NDUFS4: variants seen among roughly 807,000 people sequenced by gnomAD.
NDUFS4 encodes the protein NADH:ubiquinone oxidoreductase subunit S4, also known as NADH dehydrogenase [ubiquinone] iron-sulfur protein 4, mitochondrial.
Under a neutral mutation model 24.3 loss-of-function variants are expected in NDUFS4, and 28 were observed. The ratio of observed to expected loss-of-function variants is 1.15; its 90% confidence interval spans 0.85 to 1.58. The LOEUF is 1.58. Among genes scored for constraint, NDUFS4 ranks in the 40% most tolerant of loss-of-function variants. The probability of loss-of-function intolerance (pLI) is 0.00; values close to 1 mark genes in which losing one functional copy is unlikely to be tolerated. For missense variants in NDUFS4, 223 were observed against 207.9 expected (o/e 1.07, Z -0.45); for synonymous variants, 93 against 69.7 (o/e 1.34, Z -1.67).
intron 4 of NDUFS4, among the ~76,000 whole-genome samples, chr5:53,679,292 T>C (rs1740574777): frequency 6.6e-6 from 1 of 152,088 alleles, no homozygotes; most frequent in African/African-American, 2.4e-5. Flanking sequence ...TGGTCAGTGG[T>C]AATTATATAG....
At chr5:53,646,525 C>A in intron 3 of NDUFS4, 120 bp downstream of exon 3, 2 of 993,280 alleles carry the variant, frequency 2.0e-6, no homozygotes, top group Non-Finnish European at 1.6e-6. Context: ...CTTTTTGACG[C>A]TGTTAAGTAC....
At chr5:53,658,281 G>GT (rs969622444) in intron 3 of NDUFS4, among the ~76,000 whole-genome samples, 8 of 151,948 alleles carry the variant, frequency 5.3e-5, no homozygotes, top group Admixed American at 2.6e-4. Context: ...ATCTCAAATT[G>GT]TTTTTTTAGA....
chr5:53,618,105 G>A (rs412559), intron 2 of NDUFS4, among the ~76,000 whole-genome samples: 54,801 of 151,548 alleles, frequency 0.36, 11,054 homozygotes, highest in African/African-American at 0.55. Flanking sequence ...GGGAAACCTC[G>A]TCTCTTCCAA....
chr5:53,617,507 T>C (rs1016914770), intron 2 of NDUFS4, among the ~76,000 whole-genome samples: 1 of 152,076 alleles, frequency 6.6e-6, no homozygotes, highest in Non-Finnish European at 1.5e-5. Flanking sequence ...TTGGCCGTCA[T>C]TTTTTCCCCC....
chr5:53,668,608 T>G (rs2111565581), intron 4 of NDUFS4, among the ~76,000 whole-genome samples: 1 of 147,880 alleles, frequency 6.8e-6, no homozygotes, highest in East Asian at 2.0e-4. Context: ...CACCACCATG[T>G]CCAGCTAATT....
chr5:53,612,811 T>C (rs1344490669), intron 2 of NDUFS4, among the ~76,000 whole-genome samples: 2 of 152,152 alleles, frequency 1.3e-5, no homozygotes, highest in African/African-American at 4.8e-5. Flanking sequence ...AATACAATTT[T>C]TTTGTCAATT....
At chr5:53,575,945 A>G (rs990667180) in intron 1 of NDUFS4, among the ~76,000 whole-genome samples, 1 of 152,232 alleles carries the variant, frequency 6.6e-6, no homozygotes, top group African/African-American at 2.4e-5. Flanking sequence ...GGGTTTCACA[A>G]TACATGTACT....
chr5:53,655,483 TTGTGTAAATTTC>T (rs1752135382), intron 3 of NDUFS4, among the ~76,000 whole-genome samples: 1 of 150,076 alleles, frequency 6.7e-6, no homozygotes, highest in African/African-American at 2.4e-5. Context: ...TGATGGTTAT[TTGTGTAAATTTC>T]TGTTTGGGTT....
At chr5:53,674,829 G>T (rs933371089) in intron 4 of NDUFS4, among the ~76,000 whole-genome samples, 1 of 151,858 alleles carries the variant, frequency 6.6e-6, no homozygotes, top group Non-Finnish European at 1.5e-5. Flanking sequence ...CAGTAAACAT[G>T]TATAATTAAA....
chr5:53,655,081 T>C (rs967610271), intron 3 of NDUFS4, among the ~76,000 whole-genome samples: 7 of 152,086 alleles, frequency 4.6e-5, no homozygotes, highest in Non-Finnish European at 1.0e-4. Flanking sequence ...AGGAAAAATA[T>C]CTAAAATCAA....
rs1740526745 is a variant in NDUFS4 at position 53,677,809 on chromosome 5, T to G, written c.425-5309T>G. Among the ~76,000 whole-genome samples, 5 of 152,338 alleles carry G rather than the reference T, an allele frequency of 3.3e-5. No homozygotes were observed. The South Asian group carries it at 1.0e-3, about 32-fold the overall frequency. On this transcript the variant is annotated intron_variant, in intron 4 of 4. Transcript: ENST00000296684. The stretch of plus-strand genomic sequence containing the variant: ...TTTGTGCCAAATTATGTGGTAGTTC[T>G]TGTTCTGTGTACAAATGGAGAGTAG...
At chr5:53,563,271 G>T (rs1329989105) in intron 1 of NDUFS4, among the ~76,000 whole-genome samples, 1 of 149,238 alleles carries the variant, frequency 6.7e-6, no homozygotes, top group African/African-American at 2.5e-5. Context: ...GAAGGATGCT[G>T]TTAGCTGCTA....
intron 4 of NDUFS4, among the ~76,000 whole-genome samples, chr5:53,682,700 A>C (rs1479919756): frequency 6.6e-6 from 1 of 152,070 alleles, no homozygotes; most frequent in Non-Finnish European, 1.5e-5. Flanking sequence ...TCCCTTTGGA[A>C]GAGTTCCAAA....
rs1278284240 is a variant in NDUFS4 at position 53,663,302 on chromosome 5, A to G, written c.424+4678A>G. Among the ~76,000 whole-genome samples, 3 of 152,124 alleles carry G rather than the reference A, an allele frequency of 2.0e-5. No individual in the cohort carries two copies. In the East Asian group the frequency reaches 5.8e-4, roughly 29 times the overall value. Reference sequence around the variant, plus strand: ...TGGTGTGGTGTTGAAAAAAATGTATATTCTGTTGATTTGGGGTGGAGAGTT... The same window carrying G: ...TGGTGTGGTGTTGAAAAAAATGTATGTTCTGTTGATTTGGGGTGGAGAGTT... On this transcript the variant is annotated intron_variant, in intron 4 of 4. Transcript: ENST00000296684.
chr5:53,647,432 G>A (rs959176078), intron 3 of NDUFS4, among the ~76,000 whole-genome samples: 1 of 151,964 alleles, frequency 6.6e-6, no homozygotes, highest in East Asian at 1.9e-4. Context: ...TGCCCGGGCT[G>A]GTCTCGAACT....
At chr5:53,669,533 A>G (rs1415160216) in intron 4 of NDUFS4, among the ~76,000 whole-genome samples, 1 of 151,264 alleles carries the variant, frequency 6.6e-6, no homozygotes, top group Admixed American at 6.6e-5. Flanking sequence ...TACTGGATGA[A>G]CTCCTCTTTC....
intron 4 of NDUFS4, among the ~76,000 whole-genome samples, chr5:53,664,874 G>C (rs983499146): frequency 2.0e-5 from 3 of 152,224 alleles, no homozygotes; most frequent in Non-Finnish European, 2.9e-5. Flanking sequence ...CTGGTGCAGA[G>C]CTGCATTCCT....
chr5:53,640,267 AC>A (rs1751674366), intron 2 of NDUFS4, among the ~76,000 whole-genome samples: 1 of 152,072 alleles, frequency 6.6e-6, no homozygotes, highest in Non-Finnish European at 1.5e-5. Context: ...ATTCAAAGTT[AC>A]TTTATGGAAT....
chr5:53,669,309 A>G (rs1308826018), intron 4 of NDUFS4, among the ~76,000 whole-genome samples: 1 of 152,184 alleles, frequency 6.6e-6, no homozygotes, highest in East Asian at 1.9e-4. Context: ...CAAACTTACT[A>G]CCAAAGCACT....
Sources: gnomAD v4.1 joint callset for allele counts (sites outside exome capture counted in the v4.1 genomes callset) on GRCh38, gnomAD v4.1.1 for gene constraint, MANE v1.5 for transcripts, NCBI Gene and HGNC (gene_info 2026-07-23, HGNC 2026-07-21) for gene names.